Variants in IWS1 observed in about 807,000 individuals in gnomAD.
IWS1 encodes interacts with SUPT6H, CTD assembly factor 1.
A neutral mutation model predicts 86.7 loss-of-function variants in IWS1; 27 were observed. The observed-to-expected ratio is 0.31, with a 90% CI of 0.23 to 0.43. IWS1 has a LOEUF of 0.43. Ranked by LOEUF, IWS1 falls within the 20% of genes least tolerant of loss-of-function variation. IWS1 has a pLI of 1.00. For synonymous variants in IWS1, 313 were observed against 335.1 expected (o/e 0.93, Z 0.72); for missense variants, 827 against 1,000.8 (o/e 0.83, Z 2.34).
At chr2:127,527,152 A>G (rs1383832708), upstream of IWS1, among the ~76,000 whole-genome samples, 1 of 152,106 alleles carries the variant, frequency 6.6e-6, no homozygotes, top group East Asian at 1.9e-4. Flanking sequence ...GTGTTTCTGG[A>G]ACGGCACACT....
chr2:127,521,837 T>C (rs1401764929), intron 2 of IWS1, among the ~76,000 whole-genome samples: 1 of 152,080 alleles, frequency 6.6e-6, no homozygotes, highest in African/African-American at 2.4e-5. Flanking sequence ...ATCCATATTA[T>C]AAAAAAACAA....
upstream of IWS1, chr2:127,526,950 C>G (rs1692456237): frequency 1.8e-5 from 5 of 277,394 alleles, no homozygotes; most frequent in Non-Finnish European, 3.7e-5. Context: ...CTCCCGGCGT[C>G]TTCCTCTCTT....
chr2:127,520,663 C>T (rs1692045572), intron 2 of IWS1, among the ~76,000 whole-genome samples: 1 of 152,210 alleles, frequency 6.6e-6, no homozygotes, highest in African/African-American at 2.4e-5. Context: ...ATTACCATAA[C>T]CTTCCTGGAG....
chr2:127,484,282 A>G (rs972373883), intron 13 of IWS1, among the ~76,000 whole-genome samples: 13 of 152,248 alleles, frequency 8.5e-5, no homozygotes, highest in Non-Finnish European at 1.9e-4. Flanking sequence ...ACTATGCTCC[A>G]GCCTGGGCGA....
At chr2:127,518,401 A>AGCT (rs1179118578) in intron 2 of IWS1, among the ~76,000 whole-genome samples, 1 of 152,128 alleles carries the variant, frequency 6.6e-6, no homozygotes, top group East Asian at 1.9e-4. Context: ...CTGTGGTCTC[A>AGCT]GCTACTTGGG....
intron 13 of IWS1, 148 bp downstream of exon 13, chr2:127,486,405 T>G: frequency 1.7e-6 from 1 of 588,944 alleles, no homozygotes; most frequent in Non-Finnish European, 3.1e-6. Flanking sequence ...ATTGCTCAAT[T>G]TGTGGTTTGG....
chr2:127,520,320 C>A (rs1348810987), intron 2 of IWS1, among the ~76,000 whole-genome samples: 4 of 152,086 alleles, frequency 2.6e-5, no homozygotes, highest in Non-Finnish European at 5.9e-5. Context: ...AGGCGCAAAC[C>A]ACCATGCCTG....
Position 127,504,988 on chromosome 2 carries a change from C to T in IWS1, c.915G>A (p.Glu305=), listed in dbSNP as rs763307777. ...PKPRVSDSES[E]GPQKGPASDS... ...CACTGGCAGGCCCCTTCTGAGGCCC[C>T]TCACTCTCAGAGTCACTGACTCGGG... is the stretch of plus-strand genomic sequence containing the variant. The change falls in exon 3 of 14, where the codon GAG becomes GAA. Residue 305 remains glutamate, a synonymous_variant. Coordinates refer to ENST00000295321, the MANE Select transcript of IWS1 (RefSeq NM_017969.3). 105 of 1,614,096 alleles carry T rather than the reference C, an allele frequency of 6.5e-5. No individual in the cohort carries two copies. Among genetic ancestry groups the T allele is most frequent in the Non-Finnish European group, 8.7e-5 (103 of 1,180,020 alleles).
At chr2:127,518,676 C>T (rs1691913892) in intron 2 of IWS1, among the ~76,000 whole-genome samples, 1 of 151,506 alleles carries the variant, frequency 6.6e-6, no homozygotes, top group Admixed American at 6.6e-5. Context: ...AGTGATTCTC[C>T]GGCCTCAGCC....
At chr2:127,519,174 C>A (rs919459834) in intron 2 of IWS1, among the ~76,000 whole-genome samples, 8 of 151,930 alleles carry the variant, frequency 5.3e-5, no homozygotes, top group African/African-American at 1.7e-4. Context: ...TTAGAAATGG[C>A]CATTAGGCAG....
chr2:127,512,309 G>GC (rs1010692349), intron 2 of IWS1, among the ~76,000 whole-genome samples: 1 of 152,136 alleles, frequency 6.6e-6, no homozygotes, highest in Non-Finnish European at 1.5e-5. Flanking sequence ...ACTAGAACTG[G>GC]CAACTAGTTA....
upstream of IWS1, chr2:127,526,662 C>G (rs1232079719): frequency 1.5e-6 from 2 of 1,320,356 alleles, no homozygotes; most frequent in Non-Finnish European, 2.0e-6. Flanking sequence ...CTGGTCTGAC[C>G]CCCGTGGTAA....
At chr2:127,526,126 C>T in intron 1 of IWS1, 49 bp downstream of exon 1, 1 of 1,553,310 alleles carries the variant, frequency 6.4e-7, no homozygotes, top group Non-Finnish European at 8.8e-7. Flanking sequence ...CAAGCCCCGC[C>T]GAGTAACTGC....
chr2:127,496,124 C>T lies in IWS1; in HGVS notation c.1590G>A (p.Glu530=). 1 of 1,613,596 alleles carries T rather than the reference C, an allele frequency of 6.2e-7. No individual in the cohort carries two copies. The highest frequency in any genetic ancestry group is 8.5e-7 in the Non-Finnish European group (1 of 1,179,828). ...GKHMDFLSDF[E]MMLQRKKSMS... ...TGCTCTTTTTTCGCTGCAACATCAT[C>T]TCAAAATCTGACAGAAAGTCCATAC... Residue 530 remains glutamate, a synonymous_variant, in exon 7 of 14, where the codon GAG becomes GAA. Coordinates refer to ENST00000295321, the MANE Select transcript of IWS1 (RefSeq NM_017969.3).
intron 8 of IWS1, among the ~76,000 whole-genome samples, chr2:127,493,729 C>T (rs1405260685): frequency 6.8e-6 from 1 of 146,220 alleles, no homozygotes; most frequent in African/African-American, 2.5e-5. Context: ...AAAAAAAAAA[C>T]GTTCAATCTA....
In IWS1 at chr2:127,486,574, A is replaced by G. The variant is rs774157905; in HGVS notation, c.2307T>C (p.Asn769=). The change falls in exon 13 of 14, where the codon AAT becomes AAC. Residue 769 remains asparagine (N), a synonymous_variant. Transcript: ENST00000295321. ...TTACCCTGGATGACTCCATTTCCAC[A>G]TTCCATTTGGGCCTGACAACATAGT... ...NKDYVVRPKW[N]VEMESSRFQA... is the part of the protein sequence containing the mutation. 1.2e-6 allele frequency: 2 copies of G among 1,613,874 alleles called. No individual in the cohort carries two copies. The highest frequency in any genetic ancestry group is 2.2e-5 in the South Asian group (2 of 91,076).
intron 13 of IWS1, among the ~76,000 whole-genome samples, chr2:127,483,623 T>C (rs1558736963): frequency 2.1e-4 from 2 of 9,464 alleles, no homozygotes; most frequent in African/African-American, 4.3e-4. Context: ...TGTGTGTGTG[T>C]GCGTGTGCGT....
chr2:127,516,253 G>A (rs1242749678), intron 2 of IWS1, among the ~76,000 whole-genome samples: 1 of 152,174 alleles, frequency 6.6e-6, no homozygotes, highest in East Asian at 1.9e-4. Flanking sequence ...CCACTAAGGA[G>A]TCTGAGGCAG....
At chr2:127,520,252 T>C (rs1437504912) in intron 2 of IWS1, among the ~76,000 whole-genome samples, 1 of 152,176 alleles carries the variant, frequency 6.6e-6, no homozygotes, top group Non-Finnish European at 1.5e-5. Flanking sequence ...CACTGCAACC[T>C]CCACCTCCCG....
Sources: allele counts gnomAD v4.1 joint callset (sites outside exome capture counted in the v4.1 genomes callset), GRCh38; gene constraint gnomAD v4.1.1; transcripts MANE v1.5; gene names NCBI Gene and HGNC (gene_info 2026-07-23, HGNC 2026-07-21).